The following GOLGB1 variants were observed in gnomAD, a reference collection of about 807,000 sequenced individuals.
GOLGB1 encodes the protein golgin subfamily B member 1.
GOLGB1 carries 174 observed loss-of-function variants against 336.9 expected under a neutral mutation model. The observed-to-expected ratio is 0.52, with a 90% CI of 0.46 to 0.59. GOLGB1 has a LOEUF of 0.59. Ranked by LOEUF, GOLGB1 falls within the 20% of genes least tolerant of loss-of-function variation. The pLI is 0.00. For missense variants in GOLGB1, 3,331 were observed against 3,645.3 expected (o/e 0.91, Z 2.22); for synonymous variants, 1,208 against 1,289.2 (o/e 0.94, Z 1.35).
At chr3:121,710,410 T>A (rs1944252112) in intron 10 of GOLGB1, among the ~76,000 whole-genome samples, 1 of 152,130 alleles carries the variant, frequency 6.6e-6, no homozygotes, top group South Asian at 2.1e-4. Context: ...ATATCCTTCA[T>A]AAATAAGAAC....
intron 14 of GOLGB1, among the ~76,000 whole-genome samples, chr3:121,688,903 C>T (rs190210827): frequency 0.016 from 2,452 of 149,814 alleles, 74 homozygotes; most frequent in African/African-American, 0.056. Context: ...GGAGACCCTC[C>T]GCCTGGCAAC....
In GOLGB1 at chr3:121,691,619, T is replaced by C. The variant is rs756964497; in HGVS notation, c.7745A>G (p.Lys2582Arg). Residue 2582 changes from lysine (K) to arginine (R), a missense_variant, in exon 14 of 22, where the codon AAG becomes AGG. Physicochemically the swap from Lys to Arg is conservative, Grantham distance 26. Transcript: ENST00000614479. ...NKYAKLEEKL[K>R]ESEEANEDLR... ...ATCCTCATTTGCTTCCTCAGATTCCTTCAGCTTTTCTTCTAATTTAGCATA... is the reference window on the plus strand; with the variant it reads ...ATCCTCATTTGCTTCCTCAGATTCCCTCAGCTTTTCTTCTAATTTAGCATA... The C allele has an allele frequency of 4.3e-6, 7 of 1,613,578 alleles. No homozygotes were observed. Among genetic ancestry groups the C allele is most frequent in the Non-Finnish European group, 5.9e-6 (7 of 1,179,788 alleles).
intron 10 of GOLGB1, among the ~76,000 whole-genome samples, chr3:121,712,929 C>T (rs909097155): frequency 4.6e-5 from 7 of 151,966 alleles, no homozygotes; most frequent in African/African-American, 9.7e-5. Context: ...TTTGGGAGGC[C>T]GAGGTGGGCG....
chr3:121,668,177 T>C lies in GOLGB1; in HGVS notation c.9322-19A>G, dbSNP rs748561642. 12 of 1,409,760 alleles carry C rather than the reference T, an allele frequency of 8.5e-6. No individual in the cohort carries two copies. In the East Asian group the frequency reaches 2.3e-4, roughly 27 times the overall value. 87.3% of individuals were successfully genotyped at this position (1,409,760 alleles called of 1,614,324 possible). A position where few individuals can be genotyped will look rare whatever the true frequency, so the allele number is the denominator to read the frequency against. ...GTGGCCCCTGGAAGAAGAATAAGCT[T>C]AGTAATTCAGTGATGAAAGCTCTTA... On this transcript the variant is annotated intron_variant, in intron 18 of 21. Transcript: ENST00000614479.
chr3:121,683,065 T>TTTTTTTTTTTC, intron 14 of GOLGB1, among the ~76,000 whole-genome samples: 1 of 129,322 alleles, frequency 7.7e-6, no homozygotes, highest in South Asian at 2.7e-4. Context: ...TTTTTTTTTT[T>TTTTTTTTTTTC]TTTTTTTTTT....
At chr3:121,688,639 G>A (rs1277484756) in intron 14 of GOLGB1, among the ~76,000 whole-genome samples, 1 of 151,300 alleles carries the variant, frequency 6.6e-6, no homozygotes, top group African/African-American at 2.4e-5. Flanking sequence ...GTCTCTGCCT[G>A]GCCGCCCATC....
At chr3:121,693,264 A>T (rs1312894276) in intron 13 of GOLGB1, among the ~76,000 whole-genome samples, 9 of 152,162 alleles carry the variant, frequency 5.9e-5, no homozygotes, top group Non-Finnish European at 1.0e-4. Context: ...AGGTGGGTGG[A>T]TCACCTGAGG....
At chr3:121,720,063 A>G (rs1001233595) in intron 6 of GOLGB1, among the ~76,000 whole-genome samples, 10 of 152,218 alleles carry the variant, frequency 6.6e-5, no homozygotes, top group African/African-American at 2.4e-4. Context: ...TGTATTTTTT[A>G]AAGTTCTAAA....
chr3:121,699,002 C>T (rs1943180750), intron 12 of GOLGB1, 73 bp from the exon 13 acceptor site: 1 of 1,152,794 alleles, frequency 8.7e-7, no homozygotes, highest in South Asian at 1.6e-5. Flanking sequence ...CAACTAAAAA[C>T]TTGTATTTCA....
At chr3:121,688,963 T>C (rs1174900009) in intron 14 of GOLGB1, among the ~76,000 whole-genome samples, 1 of 151,872 alleles carries the variant, frequency 6.6e-6, no homozygotes, top group East Asian at 1.9e-4. Flanking sequence ...CCACCCCGTC[T>C]GGGAAGTGAG....
intron 1 of GOLGB1, among the ~76,000 whole-genome samples, chr3:121,733,466 G>A (rs1206902126): frequency 6.6e-6 from 1 of 151,964 alleles, no homozygotes; most frequent in Non-Finnish European, 1.5e-5. Context: ...AAAACCCGAG[G>A]AAGACATAAA....
At chr3:121,710,869 A>G (rs1034469600) in intron 10 of GOLGB1, among the ~76,000 whole-genome samples, 1 of 146,198 alleles carries the variant, frequency 6.8e-6, no homozygotes, top group African/African-American at 2.5e-5. Context: ...CAAAAAAATA[A>G]GTAAAATTTT....
At chr3:121,727,225 G>A (rs1431563686) in intron 4 of GOLGB1, among the ~76,000 whole-genome samples, 184 bp from the exon 5 acceptor site, 2 of 137,968 alleles carry the variant, frequency 1.4e-5, no homozygotes, top group Non-Finnish European at 3.0e-5. Context: ...GTATGGCCAA[G>A]CAGTTCCTGT....
rs150343965 is a variant in GOLGB1 at position 121,710,054 on chromosome 3, C to A, written c.1404+4807G>T. Reference sequence around the variant, plus strand: ...ACATCTTCAATGAAATAGACAAAACCCCAGGAAAAAAAAAAAAAGCCCAAA... The same window carrying A: ...ACATCTTCAATGAAATAGACAAAACACCAGGAAAAAAAAAAAAAGCCCAAA... On this transcript the variant is annotated intron_variant, in intron 10 of 21. Coordinates refer to ENST00000614479, the MANE Select transcript of GOLGB1 (RefSeq NM_001366282.2). Among the ~76,000 whole-genome samples the A allele has an allele frequency of 3.6e-3, 523 of 147,234 alleles. 17 individuals are homozygous for A. In the East Asian group the frequency reaches 0.068, roughly 19 times the overall value.
intron 14 of GOLGB1, among the ~76,000 whole-genome samples, chr3:121,686,269 T>C (rs936610411): frequency 1.3e-5 from 2 of 150,826 alleles, no homozygotes; most frequent in Non-Finnish European, 2.9e-5. Flanking sequence ...ATACTGCAGT[T>C]CATGCATGCG....
chr3:121,716,252 T>C (rs1472661807), intron 9 of GOLGB1, among the ~76,000 whole-genome samples: 1 of 152,192 alleles, frequency 6.6e-6, no homozygotes, highest in Non-Finnish European at 1.5e-5. Flanking sequence ...AAAAGTTTCC[T>C]TTATACCTTC....
intron 10 of GOLGB1, 33 bp from the exon 11 acceptor site, chr3:121,702,628 C>T: frequency 9.1e-7 from 1 of 1,102,064 alleles, no homozygotes; most frequent in Non-Finnish European, 1.3e-6. Context: ...ATTAATGATT[C>T]TCCAGCAGAA....
At chr3:121,749,363 G>T (rs573100381) in intron 1 of GOLGB1, among the ~76,000 whole-genome samples, 33 of 152,204 alleles carry the variant, frequency 2.2e-4, no homozygotes, top group Admixed American at 3.9e-4. Context: ...AAACGTACCG[G>T]GGAGGGGACA....
intron 1 of GOLGB1, among the ~76,000 whole-genome samples, chr3:121,732,669 A>G (rs1055810208): frequency 6.6e-6 from 1 of 152,260 alleles, no homozygotes; most frequent in Admixed American, 6.5e-5. Context: ...ATATCTATTC[A>G]TGATTATGAA....
Sources: gnomAD v4.1 joint callset for allele counts (sites outside exome capture counted in the v4.1 genomes callset) on GRCh38, gnomAD v4.1.1 for gene constraint, MANE v1.5 for transcripts, NCBI Gene and HGNC (gene_info 2026-07-23, HGNC 2026-07-21) for gene names.